The following E2F7 variants were observed in gnomAD, a reference collection of about 807,000 sequenced individuals.
The protein encoded by E2F7 is E2F transcription factor 7, also known as transcription factor E2F7.
In E2F7, 35 loss-of-function variants were observed where a neutral mutation model predicts 81.1. The ratio of observed to expected loss-of-function variants is 0.43; its 90% CI spans 0.33 to 0.57. The LOEUF (loss-of-function observed/expected upper bound fraction) is 0.57. Among genes scored for constraint, E2F7 ranks in the 20% least tolerant of loss-of-function variants. The pLI is 0.04. For missense variants in E2F7, 961 were observed against 1,093.7 expected, an observed-to-expected ratio of 0.88 and a Z score of 1.71; for synonymous variants, 416 against 416.2, an observed-to-expected ratio of 1.00 and a Z score of 0.01.
intron 2 of E2F7, among the ~76,000 whole-genome samples, chr12:77,064,236 C>G (rs1457324136): frequency 6.6e-6 from 1 of 152,228 alleles, no homozygotes; most frequent in Non-Finnish European, 1.5e-5. Flanking sequence ...CTACAGAGCA[C>G]TAGCTACACC....
At position 77,065,015 on chromosome 12, in the gene E2F7, G is replaced by A. The variant is rs565056840; in HGVS notation, c.-1+330C>T. The stretch of plus-strand genomic sequence containing the variant: ...AGAACTGAGAGGAATTCGGCTTTGA[G>A]GGGTTTTGAATCGGGGGAAGGAAAC... On this transcript the variant is annotated intron_variant, in intron 1 of 12. Transcript: ENST00000322886. Among the ~76,000 whole-genome samples the A allele has an allele frequency of 7.9e-5, 12 of 152,316 alleles. No homozygotes were observed. In the South Asian group the frequency reaches 2.5e-3, roughly 32 times the overall value.
intron 10 of E2F7, among the ~76,000 whole-genome samples, chr12:77,029,281 G>T (rs1018847483): frequency 6.6e-6 from 1 of 152,210 alleles, no homozygotes; most frequent in African/African-American, 2.4e-5. Context: ...CTGCTTTCTG[G>T]ATTTACTGGT....
chr12:77,060,934 C>T (rs1201310394), intron 2 of E2F7, among the ~76,000 whole-genome samples: 3 of 152,210 alleles, frequency 2.0e-5, no homozygotes, highest in Non-Finnish European at 2.9e-5. Flanking sequence ...AAATATCTTA[C>T]TTGACCTCAC....
intron 8 of E2F7, among the ~76,000 whole-genome samples, chr12:77,033,341 C>T (rs757604581): frequency 1.1e-4 from 16 of 151,890 alleles, no homozygotes; most frequent in Non-Finnish European, 2.4e-4. Context: ...AGGGAGACCC[C>T]GTCTCTACAA....
Position 77,024,197 on chromosome 12 carries a change from AAAAAG to A in E2F7, c.2566-17_2566-13del. The A allele has an allele frequency of 2.5e-6, 4 of 1,603,764 alleles. No individual in the cohort carries two copies. Among genetic ancestry groups the A allele is most frequent in the Non-Finnish European group, 3.4e-6 (4 of 1,174,350 alleles). ...ACTGGAACTGGTGACTGAAAAAAGA[AAAAAG>A]AAAAAACAGAAGTGAAGTCATATTG... On this transcript the variant is annotated splice_polypyrimidine_tract_variant and intron_variant, in intron 12 of 12. Transcript: ENST00000322886.
chr12:77,027,809 C>T, intron 11 of E2F7, 74 bp downstream of exon 11: 1 of 1,564,336 alleles, frequency 6.4e-7, no homozygotes. Context: ...TCAGGTGACA[C>T]AGACAAAAAT....
At chr12:77,039,996 T>C (rs1954882182) in intron 7 of E2F7, among the ~76,000 whole-genome samples, 1 of 152,208 alleles carries the variant, frequency 6.6e-6, no homozygotes, top group Non-Finnish European at 1.5e-5. Context: ...AGGTTATAGT[T>C]GATTCTCATT....
intron 4 of E2F7, among the ~76,000 whole-genome samples, chr12:77,047,569 C>T (rs969648174): frequency 6.6e-6 from 1 of 152,220 alleles, no homozygotes; most frequent in Admixed American, 6.5e-5. Context: ...TCTTTCATTT[C>T]ACTTGCCAGG....
intron 3 of E2F7, among the ~76,000 whole-genome samples, chr12:77,053,378 C>G (rs939187738): frequency 2.6e-5 from 4 of 152,162 alleles, no homozygotes; most frequent in Admixed American, 6.5e-5. Context: ...AGAACTGATT[C>G]TTGTGCTTGC....
chr12:77,045,723 TCAAAGTAAA>T, intron 5 of E2F7: 1 of 291,530 alleles, frequency 3.4e-6, no homozygotes, highest in Non-Finnish European at 6.4e-6. Context: ...TATAACTTTT[TCAAAGTAAA>T]TCTTACAGTT....
At chr12:77,028,467 G>T (rs1418386136) in intron 10 of E2F7, among the ~76,000 whole-genome samples, 1 of 141,790 alleles carries the variant, frequency 7.1e-6, no homozygotes, top group African/African-American at 2.6e-5. Flanking sequence ...ACTGGGATTA[G>T]TAAATCTTTT....
At chr12:77,054,826 A>G (rs1029095365) in intron 3 of E2F7, among the ~76,000 whole-genome samples, 10 of 152,268 alleles carry the variant, frequency 6.6e-5, no homozygotes, top group African/African-American at 2.4e-4. Flanking sequence ...GGCACATTTA[A>G]TCTTATTTAG....
intron 3 of E2F7, among the ~76,000 whole-genome samples, chr12:77,053,111 C>G (rs1955003346): frequency 1.3e-5 from 2 of 152,122 alleles, no homozygotes; most frequent in Admixed American, 6.6e-5. Flanking sequence ...ATCTTGTGAA[C>G]ATCTGTATAT....
Position 77,050,544 on chromosome 12 carries a change from G to A in E2F7, c.538+32C>T, listed in dbSNP as rs370911826. ...AAACCAGTTTCCCACTGTAACTGGA[G>A]ACAGACCTCCAGGTAATCTGATGAT... On this transcript the variant is annotated intron_variant, in intron 4 of 12. Transcript: ENST00000322886. The A allele has an allele frequency of 2.4e-4, 381 of 1,606,856 alleles. 3 individuals are homozygous for A. In the Middle Eastern group the frequency reaches 3.3e-3, roughly 14 times the overall value.
chr12:77,024,036 G>T lies in E2F7; in HGVS notation c.2715C>A (p.Ile905=), dbSNP rs765434595. ...CAGGTTAGTCAGCGCCGCCGCTGGG[G>T]ATTTCTAGTCTCCTCTGGGCCGAGC... ...NTSSAQRRLE[I]PSGGAD Residue 905 remains isoleucine, a synonymous_variant, in exon 13 of 13, where the codon ATC becomes ATA. Coordinates refer to ENST00000322886, the MANE Select transcript of E2F7 (RefSeq NM_203394.3). 6.2e-7 allele frequency: 1 copy of T among 1,613,922 alleles called. No individual in the cohort carries two copies. Among genetic ancestry groups the T allele is most frequent in the Non-Finnish European group, 8.5e-7 (1 of 1,180,006 alleles).
intron 7 of E2F7, among the ~76,000 whole-genome samples, chr12:77,035,952 A>G (rs956234331): frequency 2.0e-5 from 3 of 152,244 alleles, no homozygotes; most frequent in Non-Finnish European, 4.4e-5. Context: ...ATTTAATGGC[A>G]GATTAGAAAT....
At chr12:77,036,114 A>T (rs1439856299) in intron 7 of E2F7, among the ~76,000 whole-genome samples, 3 of 152,202 alleles carry the variant, frequency 2.0e-5, no homozygotes, top group African/African-American at 7.2e-5. Context: ...AAAATACTTG[A>T]TTAAGTAATG....
At position 77,055,856 on chromosome 12, in the gene E2F7, T is replaced by C. The variant is rs1555200913; in HGVS notation, c.368A>G (p.Gln123Arg). ...NKDDAFTDSL[Q>R]LDVVGDSAVD... The stretch of plus-strand genomic sequence containing the variant: ...CCCTGAGGAGCACAGTCTGTTTACC[T>C]GTAGAGAATCTGTAAATGCATCGTC... The change falls in exon 3 of 13, where the codon CAG becomes CGG. Residue 123 changes from glutamine (Q) to arginine (R), a missense_variant and splice_region_variant. Coordinates refer to ENST00000322886, the MANE Select transcript of E2F7 (RefSeq NM_203394.3). 6.2e-7 allele frequency: 1 copy of C among 1,606,406 alleles called. No individual in the cohort carries two copies.
chr12:77,039,409 C>G (rs907708704), intron 7 of E2F7, among the ~76,000 whole-genome samples: 2 of 152,154 alleles, frequency 1.3e-5, no homozygotes, highest in Admixed American at 1.3e-4. Context: ...ATTTGGAAAT[C>G]ATGTATCTGA....
Sources: gnomAD v4.1 joint callset for allele counts (sites outside exome capture counted in the v4.1 genomes callset) on GRCh38, gnomAD v4.1.1 for gene constraint, MANE v1.5 for transcripts, NCBI Gene and HGNC (gene_info 2026-07-23, HGNC 2026-07-21) for gene names.